The following CD2AP variants were observed in gnomAD, a reference collection of about 807,000 sequenced individuals.
CD2AP encodes the protein CD2-associated protein.
In CD2AP, 46 loss-of-function variants were observed where a neutral mutation model predicts 85.1. The ratio of observed to expected loss-of-function variants is 0.54; its 90% CI spans 0.43 to 0.69. The LOEUF (loss-of-function observed/expected upper bound fraction) is 0.69, where lower values mean the gene tolerates loss of function less well. Among genes scored for constraint, CD2AP ranks in the 30% least tolerant of loss-of-function variants. CD2AP has a pLI of 0.00. For synonymous variants in CD2AP, 255 were observed against 252.9 expected (o/e 1.01, Z -0.08); for missense variants, 769 against 729.5 (o/e 1.05, Z -0.62).
chr6:47,599,313 A>T lies in CD2AP; in HGVS notation c.1287A>T (p.Glu429Asp). ...PPPPIAKING[E>D]VSSISSKFET... ...TTTCTTATTTCAGGATTAATGGGGA[A>T]GTTTCTAGCATTTCATCAAAATTTG... The change falls in exon 13 of 18, where the codon GAA (glutamate) becomes GAT (aspartate). Residue 429 changes from glutamate to aspartate, a missense_variant. Physicochemically the swap from Glu to Asp is conservative, Grantham distance 45. Transcript: ENST00000359314. The T allele has an allele frequency of 6.2e-7, 1 of 1,612,196 alleles. No individual in the cohort carries two copies. The highest frequency in any genetic ancestry group is 8.5e-7 in the Non-Finnish European group (1 of 1,178,792).
chr6:47,493,555 G>A (rs187063154), intron 1 of CD2AP, among the ~76,000 whole-genome samples: 100 of 151,656 alleles, frequency 6.6e-4, no homozygotes, highest in African/African-American at 2.3e-3. Flanking sequence ...TTTTTTGTTT[G>A]TATCCTAATT....
intron 1 of CD2AP, among the ~76,000 whole-genome samples, chr6:47,499,258 T>C (rs868279993): frequency 2.0e-5 from 3 of 152,152 alleles, no homozygotes; most frequent in Admixed American, 6.5e-5. Flanking sequence ...ACCATTGGGA[T>C]GTTGCTGGTT....
Position 47,609,262 on chromosome 6 carries a change from T to C in CD2AP, c.1772T>C (p.Ile591Thr), listed in dbSNP as rs773600809. 1.9e-6 allele frequency: 3 copies of C among 1,613,648 alleles called. No homozygotes were observed. The highest frequency in any genetic ancestry group is 3.4e-4 in the Middle Eastern group (2 of 5,966). The change falls in exon 16 of 18, where the codon ATT becomes ACT. Residue 591 changes from isoleucine (I) to threonine (T), a missense_variant. Ile to Thr is a moderately conservative substitution (Grantham distance 89). Coordinates refer to ENST00000359314, the MANE Select transcript of CD2AP (RefSeq NM_012120.3). ...CTGGATGAACTTAGAGCCCAGATTA[T>C]TGAATTGTTGTGCATTGTAGAAGCA... ...NSLDELRAQI[I>T]ELLCIVEALK... is the part of the protein sequence containing the mutation.
rs952850876 is a variant in CD2AP at position 47,626,217 on chromosome 6, T to C, written c.*1990T>C. ...TATGAGCATGGAAATGTATTTAAAG[T>C]TTTTGCTTGTGTCCTCCTCAGTCAG... On this transcript the variant is annotated 3_prime_UTR_variant, in exon 18 of 18. Coordinates refer to ENST00000359314, the MANE Select transcript of CD2AP (RefSeq NM_012120.3). 2 of 151,906 alleles carry C rather than the reference T, an allele frequency of 1.3e-5. No individual in the cohort carries two copies. Among genetic ancestry groups the C allele is most frequent in the African/African-American group, 2.4e-5 (1 of 41,428 alleles). The allele number at this position is 151,906 out of a possible 1,614,324, so 9.4% of individuals were successfully genotyped here. A position where few individuals can be genotyped will look rare whatever the true frequency, so the allele number is the denominator to read the frequency against.
At chr6:47,544,448 A>G (rs907361971) in intron 3 of CD2AP, among the ~76,000 whole-genome samples, 158 bp from the exon 4 acceptor site, 4 of 152,180 alleles carry the variant, frequency 2.6e-5, no homozygotes, top group African/African-American at 9.7e-5. Context: ...TTGGGGTAAA[A>G]AGCTAACCAG....
At chr6:47,594,304 G>A (rs1157959544) in intron 11 of CD2AP, among the ~76,000 whole-genome samples, 1 of 152,016 alleles carries the variant, frequency 6.6e-6, no homozygotes, top group East Asian at 1.9e-4. Context: ...ATAAAATCTA[G>A]TACATAAATA....
intron 4 of CD2AP, among the ~76,000 whole-genome samples, chr6:47,550,851 CA>C (rs1477249333): frequency 2.6e-5 from 4 of 152,164 alleles, no homozygotes; most frequent in African/African-American, 9.7e-5. Context: ...ACTACTCAGC[CA>C]TAAAAAGGAA....
chr6:47,599,306 A>C lies in CD2AP; in HGVS notation c.1280A>C (p.Asn427Thr), dbSNP rs1441721261. 1 of 1,611,922 alleles carries C rather than the reference A, an allele frequency of 6.2e-7. No homozygotes were observed. Among genetic ancestry groups the C allele is most frequent in the South Asian group, 1.1e-5 (1 of 91,036 alleles). ...VPPPPPIAKI[N>T]GEVSSISSKF... is the part of the protein sequence containing the mutation. ...GTGTTTTTTTCTTATTTCAGGATTA[A>C]TGGGGAAGTTTCTAGCATTTCATCA... is the stretch of plus-strand genomic sequence containing the variant. The change falls in exon 13 of 18, where the codon AAT (asparagine) becomes ACT (threonine). Residue 427 changes from asparagine to threonine, a missense_variant. By Grantham distance (65) the Asn-to-Thr change is moderately conservative. Transcript: ENST00000359314.
At chr6:47,598,262 A>G (rs983415800) in intron 12 of CD2AP, among the ~76,000 whole-genome samples, 2 of 150,996 alleles carry the variant, frequency 1.3e-5, no homozygotes, top group African/African-American at 2.4e-5. Context: ...AGATGTTAGC[A>G]TGGATGCAGT....
chr6:47,558,704 T>C (rs1767761698), intron 5 of CD2AP, among the ~76,000 whole-genome samples: 1 of 152,244 alleles, frequency 6.6e-6, no homozygotes, highest in African/African-American at 2.4e-5. Context: ...CTTTTTAATG[T>C]GCTGCTGGAT....
intron 2 of CD2AP, among the ~76,000 whole-genome samples, chr6:47,505,965 T>G (rs1366804970): frequency 7.7e-5 from 5 of 65,028 alleles, no homozygotes; most frequent in East Asian, 1.2e-3. Context: ...ACTTCCCAGA[T>G]GGGGTGGCTG....
rs371522449 is a variant in CD2AP, at chr6:47,607,919, T to C, written c.1531-8T>C. On this transcript the variant is annotated splice_polypyrimidine_tract_variant and splice_region_variant and intron_variant, in intron 14 of 17. Transcript: ENST00000359314. ...ATTATGTCTCTTGACTTCTAAAAAA[T>C]CATTTAGCCAACTCACAGCCCCGAA... 4.7e-5 allele frequency: 76 copies of C among 1,600,638 alleles called. No homozygotes were observed. The highest frequency in any genetic ancestry group is 6.3e-5 in the Non-Finnish European group (74 of 1,169,086).
At chr6:47,529,388 C>T (rs1250963247) in intron 2 of CD2AP, among the ~76,000 whole-genome samples, 1 of 152,118 alleles carries the variant, frequency 6.6e-6, no homozygotes, top group East Asian at 1.9e-4. Context: ...CCTCCCACAT[C>T]CCCAAGATGC....
At chr6:47,492,235 C>T (rs972406628) in intron 1 of CD2AP, among the ~76,000 whole-genome samples, 6 of 151,890 alleles carry the variant, frequency 4.0e-5, no homozygotes, top group African/African-American at 1.5e-4. Context: ...TGCTCACAGG[C>T]TGGAAAGTCC....
At chr6:47,534,873 C>T (rs1248813672) in intron 3 of CD2AP, among the ~76,000 whole-genome samples, 2 of 151,090 alleles carry the variant, frequency 1.3e-5, no homozygotes, top group African/African-American at 2.4e-5. Context: ...CAGCTCACTG[C>T]GGCCTTGACC....
chr6:47,488,490 A>C (rs1392214725), intron 1 of CD2AP, among the ~76,000 whole-genome samples: 1 of 152,148 alleles, frequency 6.6e-6, no homozygotes, highest in Admixed American at 6.5e-5. Context: ...ACATTATTTC[A>C]TAATGTATTC....
chr6:47,606,763 T>C (rs115530582), intron 14 of CD2AP, among the ~76,000 whole-genome samples: 441 of 152,226 alleles, frequency 2.9e-3, no homozygotes, highest in African/African-American at 9.5e-3. Flanking sequence ...ATAATAATTA[T>C]ATCAGGGTAA....
Position 47,625,056 on chromosome 6 carries a change from T to G in CD2AP, c.*829T>G, listed in dbSNP as rs990143912. ...AACTGTTAATTTAACCCTTAACTTG[T>G]GCCTAGAAACTACAGCACATATAAA... On this transcript the variant is annotated 3_prime_UTR_variant, in exon 18 of 18. Coordinates refer to ENST00000359314, the MANE Select transcript of CD2AP (RefSeq NM_012120.3). 6.6e-6 allele frequency: 1 copy of G among 151,970 alleles called. No individual in the cohort carries two copies. The highest frequency in any genetic ancestry group is 2.1e-4 in the South Asian group (1 of 4,832). The allele number at this position is 151,970 out of a possible 1,614,324, so 9.4% of individuals were successfully genotyped here. A position where few individuals can be genotyped will look rare whatever the true frequency, so the allele number is the denominator to read the frequency against.
chr6:47,556,502 C>A (rs1003653989), intron 5 of CD2AP, among the ~76,000 whole-genome samples: 21 of 152,100 alleles, frequency 1.4e-4, no homozygotes, highest in African/African-American at 4.8e-4. Context: ...CATGTGCCAC[C>A]ACGCCCAGCT....
Sources: allele counts gnomAD v4.1 joint callset (sites outside exome capture counted in the v4.1 genomes callset), GRCh38; gene constraint gnomAD v4.1.1; transcripts MANE v1.5; gene names NCBI Gene and HGNC (gene_info 2026-07-23, HGNC 2026-07-21).